Variants in CACNA2D3 observed in about 807,000 individuals in gnomAD.
CACNA2D3 encodes voltage-dependent calcium channel subunit alpha-2/delta-3.
In CACNA2D3, 60 loss-of-function variants were observed where a neutral mutation model predicts 160.6. That is an observed-to-expected ratio of 0.37 (90% CI 0.30 to 0.46). The LOEUF (loss-of-function observed/expected upper bound fraction) is 0.46. CACNA2D3 is among the 20% of genes least tolerant of loss of function. The probability of loss-of-function intolerance (pLI) is 1.00; values close to 1 mark genes in which losing one functional copy is unlikely to be tolerated. For missense variants in CACNA2D3, 1,205 were observed against 1,365.0 expected, an observed-to-expected ratio of 0.88 and a Z score of 1.85; for synonymous variants, 558 against 492.9, an observed-to-expected ratio of 1.13 and a Z score of -1.75.
At chr3:54,741,729 T>G (rs1219862724) in intron 11 of CACNA2D3, among the ~76,000 whole-genome samples, 1 of 152,196 alleles carries the variant, frequency 6.6e-6, no homozygotes, top group Non-Finnish European at 1.5e-5. Flanking sequence ...TTTCTGTATT[T>G]GTACACTAAA....
intron 18 of CACNA2D3, among the ~76,000 whole-genome samples, chr3:54,878,415 C>T (rs1699714695): frequency 6.6e-6 from 1 of 152,038 alleles, no homozygotes; most frequent in South Asian, 2.1e-4. Context: ...GAGCCAGGCT[C>T]GCTGCTCCTA....
intron 4 of CACNA2D3, among the ~76,000 whole-genome samples, chr3:54,458,208 G>A (rs1700434068): frequency 6.6e-6 from 1 of 152,040 alleles, no homozygotes; most frequent in Non-Finnish European, 1.5e-5. Context: ...TTTCTGTAGT[G>A]ATAATGTTTG....
At chr3:54,182,978 A>G (rs1700808691) in intron 2 of CACNA2D3, among the ~76,000 whole-genome samples, 1 of 152,198 alleles carries the variant, frequency 6.6e-6, no homozygotes, top group Non-Finnish European at 1.5e-5. Context: ...TCTTTAAATC[A>G]CAACTTGTCC....
intron 11 of CACNA2D3, among the ~76,000 whole-genome samples, chr3:54,749,801 C>T (rs193103799): frequency 2.4e-4 from 37 of 152,278 alleles, no homozygotes; most frequent in African/African-American, 8.9e-4. Context: ...GACTACAAAT[C>T]AGTGGAAATA....
intron 2 of CACNA2D3, among the ~76,000 whole-genome samples, chr3:54,263,102 T>C (rs1218600056): frequency 6.6e-6 from 1 of 152,230 alleles, no homozygotes; most frequent in African/African-American, 2.4e-5. Context: ...CTACCACTGT[T>C]CTAATACAAA....
At chr3:54,697,265 C>A (rs1346394914) in intron 11 of CACNA2D3, among the ~76,000 whole-genome samples, 2 of 152,076 alleles carry the variant, frequency 1.3e-5, no homozygotes, top group Non-Finnish European at 2.9e-5. Context: ...ATGACAGAGA[C>A]CCCATCTCAC....
At chr3:54,709,589 T>C (rs1700918948) in intron 11 of CACNA2D3, among the ~76,000 whole-genome samples, 1 of 152,162 alleles carries the variant, frequency 6.6e-6, no homozygotes, top group South Asian at 2.1e-4. Context: ...CTCGAACTCC[T>C]GGACTCAAGT....
intron 21 of CACNA2D3, among the ~76,000 whole-genome samples, chr3:54,881,984 G>A (rs1345817521): frequency 1.3e-5 from 2 of 152,182 alleles, no homozygotes; most frequent in East Asian, 1.9e-4. Context: ...TTGTGAGATC[G>A]TATAGGGGCA....
At chr3:55,053,588 T>G (rs1332213155) in intron 35 of CACNA2D3, among the ~76,000 whole-genome samples, 1 of 151,990 alleles carries the variant, frequency 6.6e-6, no homozygotes, top group Non-Finnish European at 1.5e-5. Flanking sequence ...TTCCAACTGC[T>G]TTTTGCTACC....
chr3:54,279,848 T>C (rs1241808815), intron 2 of CACNA2D3, among the ~76,000 whole-genome samples: 1 of 152,172 alleles, frequency 6.6e-6, no homozygotes, highest in Non-Finnish European at 1.5e-5. Flanking sequence ...GTGATCAGCA[T>C]AGGACCTGAG....
chr3:54,830,284 T>A (rs1180192186), intron 14 of CACNA2D3, among the ~76,000 whole-genome samples: 1 of 151,958 alleles, frequency 6.6e-6, no homozygotes, highest in Non-Finnish European at 1.5e-5. Flanking sequence ...TCTCTTTTCA[T>A]AATGTCTCGT....
chr3:54,924,689 C>T lies in CACNA2D3; in HGVS notation c.2449+24821C>T, dbSNP rs751473242. 5.6e-6 allele frequency: 9 copies of T among 1,613,964 alleles called. No homozygotes were observed. The Admixed American group carries it at 1.5e-4, about 27-fold the overall frequency. The stretch of plus-strand genomic sequence containing the variant: ...GGCAATTGCATTTCCAGAGGTTGTC[C>T]TTGAGAAGTAAAAGCCTCACACTGG... On this transcript the variant is annotated intron_variant, in intron 27 of 37. Transcript: ENST00000474759.
chr3:54,403,218 G>A (rs1699504162), intron 4 of CACNA2D3, among the ~76,000 whole-genome samples: 1 of 151,950 alleles, frequency 6.6e-6, no homozygotes, highest in Admixed American at 6.6e-5. Context: ...AGCCGGTCTT[G>A]GTGGCACGTA....
chr3:54,412,683 C>T (rs1178434243), intron 4 of CACNA2D3, among the ~76,000 whole-genome samples: 1 of 126,532 alleles, frequency 7.9e-6, no homozygotes, highest in African/African-American at 2.8e-5. Context: ...TGTAATTATT[C>T]ATATAATTGG....
intron 11 of CACNA2D3, among the ~76,000 whole-genome samples, chr3:54,706,054 T>TA (rs1700851448): frequency 6.6e-6 from 1 of 152,218 alleles, no homozygotes; most frequent in South Asian, 2.1e-4. Context: ...TCACACACCA[T>TA]AAGGCCAAAT....
intron 27 of CACNA2D3, among the ~76,000 whole-genome samples, chr3:54,900,175 A>G (rs987632297): frequency 6.6e-6 from 1 of 152,130 alleles, no homozygotes; most frequent in African/African-American, 2.4e-5. Context: ...ATTCAAAGTA[A>G]ACTCCAGATC....
intron 3 of CACNA2D3, among the ~76,000 whole-genome samples, chr3:54,325,728 G>A (rs1179828424): frequency 6.6e-6 from 1 of 152,150 alleles, no homozygotes; most frequent in Non-Finnish European, 1.5e-5. Flanking sequence ...GAACTCTTTT[G>A]GGGAATGTGA....
intron 3 of CACNA2D3, among the ~76,000 whole-genome samples, chr3:54,333,963 C>T (rs780073588): frequency 2.0e-5 from 3 of 152,228 alleles, no homozygotes; most frequent in African/African-American, 4.8e-5. Flanking sequence ...TCTCCAAGCA[C>T]GCTCCCTTAA....
At chr3:54,283,291 C>T (rs1230494776) in intron 2 of CACNA2D3, among the ~76,000 whole-genome samples, 1 of 152,138 alleles carries the variant, frequency 6.6e-6, no homozygotes, top group Non-Finnish European at 1.5e-5. Context: ...GGGTAAAATC[C>T]CTGCCCTCTG....
Sources: gnomAD v4.1 joint callset for allele counts (sites outside exome capture counted in the v4.1 genomes callset) on GRCh38, gnomAD v4.1.1 for gene constraint, MANE v1.5 for transcripts, NCBI Gene and HGNC (gene_info 2026-07-23, HGNC 2026-07-21) for gene names.